The following EDIL3 variants were observed in gnomAD, a reference collection of about 807,000 sequenced individuals.
EDIL3 encodes the protein EGF-like repeat and discoidin I-like domain-containing protein 3.
EDIL3 carries 37 observed loss-of-function variants against 67.4 expected under a neutral mutation model. The observed-to-expected ratio is 0.55, with a 90% CI of 0.42 to 0.72. The LOEUF is 0.72. Ranked by LOEUF, EDIL3 falls within the 30% of genes least tolerant of loss-of-function variation. The pLI, the probability that EDIL3 is intolerant of heterozygous loss-of-function variation, is 0.00. For missense variants in EDIL3, 527 were observed against 586.3 expected, an observed-to-expected ratio of 0.90 and a Z score of 1.04; for synonymous variants, 195 against 196.3, an observed-to-expected ratio of 0.99 and a Z score of 0.05.
chr5:84,217,214 T>C (rs1259449466), intron 3 of EDIL3, among the ~76,000 whole-genome samples: 1 of 151,794 alleles, frequency 6.6e-6, no homozygotes, highest in African/African-American at 2.4e-5. Context: ...CAGGGAGGAT[T>C]AGAAATTAAA....
intron 6 of EDIL3, among the ~76,000 whole-genome samples, chr5:84,089,285 A>G (rs1464909617): frequency 3.9e-5 from 6 of 152,194 alleles, no homozygotes; most frequent in African/African-American, 9.7e-5. Flanking sequence ...TTCCAACTCA[A>G]TGCTATACAC....
chr5:84,040,019 T>G (rs1344541086), intron 9 of EDIL3, among the ~76,000 whole-genome samples: 1 of 152,140 alleles, frequency 6.6e-6, no homozygotes, highest in Non-Finnish European at 1.5e-5. Flanking sequence ...GCTAATTTAT[T>G]TACACAACCC....
chr5:84,143,552 C>T (rs1042073547), intron 4 of EDIL3, among the ~76,000 whole-genome samples: 2 of 152,110 alleles, frequency 1.3e-5, no homozygotes, highest in Non-Finnish European at 2.9e-5. Flanking sequence ...TACTAGTACG[C>T]AGGCAATATT....
chr5:84,226,296 G>T (rs961536679), intron 3 of EDIL3, among the ~76,000 whole-genome samples: 1 of 151,490 alleles, frequency 6.6e-6, no homozygotes. Context: ...TTGGTGAAAG[G>T]AGATGAGAGT....
At chr5:84,238,879 A>T (rs1744735550) in intron 2 of EDIL3, among the ~76,000 whole-genome samples, 1 of 152,116 alleles carries the variant, frequency 6.6e-6, no homozygotes, top group Non-Finnish European at 1.5e-5. Context: ...TGAAAATTGA[A>T]TAAAGGTGCA....
intron 1 of EDIL3, among the ~76,000 whole-genome samples, chr5:84,271,574 A>G (rs1222739694): frequency 2.6e-5 from 4 of 152,098 alleles, no homozygotes; most frequent in African/African-American, 7.2e-5. Flanking sequence ...GCCCCCAGTC[A>G]CTGATATGTT....
chr5:84,305,629 C>T (rs1332327020), intron 1 of EDIL3, among the ~76,000 whole-genome samples: 1 of 152,146 alleles, frequency 6.6e-6, no homozygotes, highest in Non-Finnish European at 1.5e-5. Flanking sequence ...CCTGTAATCC[C>T]GGCATTTTGG....
intron 1 of EDIL3, among the ~76,000 whole-genome samples, chr5:84,357,887 CAAA>C (rs140686250): frequency 3.8e-5 from 3 of 79,270 alleles, no homozygotes; most frequent in Admixed American, 2.8e-4. Flanking sequence ...GACTCAGTCT[CAAA>C]AAAAAAAAAA....
intron 5 of EDIL3, among the ~76,000 whole-genome samples, chr5:84,116,412 T>C (rs1376686357): frequency 6.6e-6 from 1 of 152,158 alleles, no homozygotes; most frequent in Admixed American, 6.5e-5. Flanking sequence ...TAAGAAAATA[T>C]TTTTCATTTA....
At chr5:84,069,103 C>T (rs1746691441) in intron 6 of EDIL3, among the ~76,000 whole-genome samples, 1 of 152,112 alleles carries the variant, frequency 6.6e-6, no homozygotes, top group Non-Finnish European at 1.5e-5. Context: ...ATCAGAAATG[C>T]CTAAATTATT....
intron 1 of EDIL3, among the ~76,000 whole-genome samples, chr5:84,272,283 A>G (rs1169767799): frequency 6.6e-6 from 1 of 151,904 alleles, no homozygotes; most frequent in African/African-American, 2.4e-5. Context: ...TCCAAATCCA[A>G]ATAATTTCTT....
chr5:84,349,051 T>C (rs1214403886), intron 1 of EDIL3, among the ~76,000 whole-genome samples: 2 of 152,202 alleles, frequency 1.3e-5, no homozygotes. Flanking sequence ...AACTATATTA[T>C]AGCCCCCTTT....
chr5:84,339,323 C>T (rs1165011220), intron 1 of EDIL3, among the ~76,000 whole-genome samples: 4 of 152,108 alleles, frequency 2.6e-5, no homozygotes, highest in African/African-American at 9.7e-5. Flanking sequence ...CAGAGCTGGA[C>T]ACACAGTGTG....
At chr5:84,067,276 A>G (rs567511412) in intron 6 of EDIL3, among the ~76,000 whole-genome samples, 1 of 152,140 alleles carries the variant, frequency 6.6e-6, no homozygotes, top group Non-Finnish European at 1.5e-5. Flanking sequence ...ATCCCTTTAC[A>G]ACAGTTTGCT....
chr5:84,363,639 G>T (rs1248972185), intron 1 of EDIL3, among the ~76,000 whole-genome samples: 1 of 151,988 alleles, frequency 6.6e-6, no homozygotes, highest in African/African-American at 2.4e-5. Flanking sequence ...TTGTGCACAG[G>T]CATTGGAACC....
At chr5:84,026,970 C>A (rs1293326530) in intron 9 of EDIL3, among the ~76,000 whole-genome samples, 1 of 152,038 alleles carries the variant, frequency 6.6e-6, no homozygotes, top group Non-Finnish European at 1.5e-5. Context: ...TGACATGCGC[C>A]TGTACTCTGA....
At chr5:84,048,677 G>A (rs1050388607) in intron 9 of EDIL3, among the ~76,000 whole-genome samples, 4 of 151,824 alleles carry the variant, frequency 2.6e-5, no homozygotes, top group African/African-American at 9.7e-5. Context: ...TCTGAAAAAC[G>A]TTTAGTAGAT....
Position 84,356,889 on chromosome 5 carries a change from C to CTTTTTTTTTT in EDIL3, c.67+27409_67+27418dup, listed in dbSNP as rs1189590387. Among the ~76,000 whole-genome samples, 46 of 32,088 alleles carry CTTTTTTTTTT rather than the reference C, an allele frequency of 1.4e-3. 3 individuals carry two copies. The highest frequency in any genetic ancestry group is 1.9e-3 in the Non-Finnish European group (29 of 15,584). The allele number at this position is 32,088 out of a possible 152,430, so 21.1% of individuals were successfully genotyped here. ...GACCTTGAGAAAACAATCTTTCTTTCTTTTTTTTTTTTTTTTTTTTTTTTT... is the reference window on the plus strand; with the variant it reads ...GACCTTGAGAAAACAATCTTTCTTTCTTTTTTTTTTTTTTTTTTTTTTTTTTTTTTTTTTT... On this transcript the variant is annotated intron_variant, in intron 1 of 10. Coordinates refer to ENST00000296591, the MANE Select transcript of EDIL3 (RefSeq NM_005711.5).
At chr5:84,052,613 G>T (rs898846856) in intron 9 of EDIL3, among the ~76,000 whole-genome samples, 1 of 152,140 alleles carries the variant, frequency 6.6e-6, no homozygotes, top group Non-Finnish European at 1.5e-5. Flanking sequence ...GATGGAGGAA[G>T]ATGTACCAAG....
Sources: gnomAD v4.1 joint callset for allele counts (sites outside exome capture counted in the v4.1 genomes callset) on GRCh38, gnomAD v4.1.1 for gene constraint, MANE v1.5 for transcripts, NCBI Gene and HGNC (gene_info 2026-07-23, HGNC 2026-07-21) for gene names.